Variants in CHKA observed in about 807,000 individuals in gnomAD.
CHKA encodes the protein choline kinase alpha, also known as CHETK-alpha.
In CHKA, 34 loss-of-function variants were observed where a neutral mutation model predicts 60.1. The ratio of observed to expected loss-of-function variants is 0.57; its 90% CI spans 0.43 to 0.75. The LOEUF (loss-of-function observed/expected upper bound fraction) is 0.75. Ranked by LOEUF, CHKA falls within the 30% of genes least tolerant of loss-of-function variation. CHKA has a pLI of 0.00. For synonymous variants in CHKA, 217 were observed against 223.1 expected (o/e 0.97, Z 0.24); for missense variants, 563 against 561.3 (o/e 1.00, Z -0.03).
chr11:68,066,555 T>C (rs973841143), intron 7 of CHKA, 39 bp from the exon 8 acceptor site: 5 of 1,495,156 alleles, frequency 3.3e-6, no homozygotes, highest in Admixed American at 1.7e-5. Flanking sequence ...TGTTTTACAA[T>C]AGAAGGCTCA....
At chr11:68,062,901 G>T (rs572699739) in intron 10 of CHKA, among the ~76,000 whole-genome samples, 2 of 152,252 alleles carry the variant, frequency 1.3e-5, no homozygotes, top group Admixed American at 6.5e-5. Context: ...ACGAGGAGAT[G>T]ACTGTGCTAA....
In CHKA at chr11:68,120,985, G is replaced by A. The variant is rs1242367520; in HGVS notation, c.193C>T (p.Leu65=). ...LALPPPPPLP[L]PLPLPQPPPP... ...GGGGGCTGGGGCAGCGGCAGCGGCA[G>A]CGGCAGCGGCGGCGGAGGGGGCAGC... is the stretch of plus-strand genomic sequence containing the variant. Residue 65 remains leucine (L), a synonymous_variant, in exon 1 of 12, where the codon CTG becomes TTG. Transcript: ENST00000265689. 1.3e-5 allele frequency: 15 copies of A among 1,119,248 alleles called. No individual in the cohort carries two copies. The Admixed American group carries it at 6.5e-4, about 48-fold the overall frequency. 69.3% of individuals were successfully genotyped at this position (1,119,248 alleles called of 1,614,324 possible). A position where few individuals can be genotyped will look rare whatever the true frequency, so the allele number is the denominator to read the frequency against.
intron 7 of CHKA, among the ~76,000 whole-genome samples, chr11:68,067,246 T>C (rs962339629): frequency 2.0e-5 from 3 of 152,182 alleles, no homozygotes; most frequent in African/African-American, 7.2e-5. Context: ...GGATTTCTAG[T>C]GGAGGTATAG....
chr11:68,110,309 A>G (rs776716810), intron 1 of CHKA, among the ~76,000 whole-genome samples: 24 of 152,240 alleles, frequency 1.6e-4, no homozygotes, highest in Admixed American at 9.8e-4. Flanking sequence ...TTAGGAAGAG[A>G]GAAATAAAAC....
chr11:68,092,404 T>G (rs1857380108), intron 2 of CHKA, among the ~76,000 whole-genome samples: 1 of 152,198 alleles, frequency 6.6e-6, no homozygotes, highest in Non-Finnish European at 1.5e-5. Flanking sequence ...GAGCTGGCTA[T>G]ACATTAGCAA....
At chr11:68,063,753 G>A (rs554336979) in intron 10 of CHKA, among the ~76,000 whole-genome samples, 3 of 152,318 alleles carry the variant, frequency 2.0e-5, no homozygotes, top group African/African-American at 7.2e-5. Flanking sequence ...ACAATAGTGA[G>A]GGAGTTCTCA....
intron 11 of CHKA, 95 bp from the exon 12 acceptor site, chr11:68,054,142 G>A (rs1443086454): frequency 1.9e-6 from 2 of 1,068,556 alleles, no homozygotes; most frequent in Non-Finnish European, 2.8e-6. Context: ...CAAGAGCTGA[G>A]GGCACGGACC....
At chr11:68,096,894 C>A in intron 2 of CHKA, 125 bp downstream of exon 2, 1 of 585,330 alleles carries the variant, frequency 1.7e-6, no homozygotes, top group Admixed American at 3.6e-5. Context: ...AAAGTAAAAG[C>A]AATATACTCA....
chr11:68,091,274 ATC>A (rs1857341206), intron 2 of CHKA, among the ~76,000 whole-genome samples: 1 of 152,186 alleles, frequency 6.6e-6, no homozygotes. Context: ...GGTTTTCATA[ATC>A]TATGTAGCTA....
chr11:68,064,611 G>GT lies in CHKA; in HGVS notation c.1145dup (p.Tyr382Ter). The change falls in exon 10 of 12, where the codon TAC (tyrosine) becomes TAAC (stop). Residue 382 changes from tyrosine to a stop codon, truncating the protein, a stop_gained and frameshift_variant. Coordinates refer to ENST00000265689, the MANE Select transcript of CHKA (RefSeq NM_001277.3). LOFTEE classifies it high-confidence loss of function. ...KKQQLHFISS[Y>*]LPAFQNDFEN... ...CAAAGTCATTTTGGAATGCAGGCAAGTAACTGGAAATAAAATGGAGCTTAA... is the reference window on the plus strand; with the variant it reads ...CAAAGTCATTTTGGAATGCAGGCAAGTTAACTGGAAATAAAATGGAGCTTAA... The GT allele has an allele frequency of 1.3e-6, 2 of 1,589,658 alleles. No homozygotes were observed. The highest frequency in any genetic ancestry group is 4.5e-5 in the East Asian group (2 of 44,382).
At chr11:68,057,859 T>C (rs756119818) in intron 11 of CHKA, among the ~76,000 whole-genome samples, 3 of 152,232 alleles carry the variant, frequency 2.0e-5, no homozygotes, top group Non-Finnish European at 4.4e-5. Flanking sequence ...CATGGATCAA[T>C]TTCTGGACAC....
At chr11:68,107,921 C>T (rs1857975756) in intron 1 of CHKA, among the ~76,000 whole-genome samples, 1 of 152,084 alleles carries the variant, frequency 6.6e-6, no homozygotes, top group Non-Finnish European at 1.5e-5. Context: ...AAATACATTA[C>T]GAAAGACACG....
chr11:68,066,676 G>A (rs1056907044), intron 7 of CHKA, among the ~76,000 whole-genome samples, 160 bp from the exon 8 acceptor site: 1 of 152,196 alleles, frequency 6.6e-6, no homozygotes. Flanking sequence ...GCGTAGAAGT[G>A]CTCACGGGAG....
At position 68,053,291 on chromosome 11, in the gene CHKA, T is replaced by G. The variant is rs1855868964; in HGVS notation, c.*697A>C. ...CACGCATGGCTGTCTGCACACTCCA[T>G]CAGGAGGAAGGGCAGGGGAGAAGTC... On this transcript the variant is annotated 3_prime_UTR_variant, in exon 12 of 12. Transcript: ENST00000265689. The G allele has an allele frequency of 6.6e-6, 1 of 152,214 alleles. No individual in the cohort carries two copies. Among genetic ancestry groups the G allele is most frequent in the African/African-American group, 2.4e-5 (1 of 41,416 alleles). 9.4% of individuals were successfully genotyped at this position (152,214 alleles called of 1,614,324 possible).
Position 68,070,249 on chromosome 11 carries a change from C to T in CHKA, c.809G>A (p.Arg270Lys). Residue 270 changes from arginine (R) to lysine (K), a missense_variant, in exon 6 of 12, where the codon AGA becomes AAA. Physicochemically the swap from Arg to Lys is conservative, Grantham distance 26. Transcript: ENST00000265689. Reference protein sequence around the residue: ...VLRIKFTEESRIKKLHKLLSY... With the variant: ...VLRIKFTEESKIKKLHKLLSY... ...GAGCAATTTGTGGAGCTTTTTAATT[C>T]TGGATTCCTCAGTAAATTTAATTCT... 6.2e-7 allele frequency: 1 copy of T among 1,614,098 alleles called. No homozygotes were observed. Among genetic ancestry groups the T allele is most frequent in the Non-Finnish European group, 8.5e-7 (1 of 1,179,964 alleles).
rs180792423 is a variant in CHKA at position 68,094,816 on chromosome 11, C to T, written c.462+2203G>A. The stretch of plus-strand genomic sequence containing the variant: ...TGTGGAATAGCTACGTACCTTCAAA[C>T]ATACTAACTTGTTCCCAGCATTTTT... On this transcript the variant is annotated intron_variant, in intron 2 of 11. Transcript: ENST00000265689. 1.1e-4 allele frequency among the ~76,000 whole-genome samples: 16 copies of T among 152,330 alleles called. No homozygotes were observed. The East Asian group carries it at 3.1e-3, about 29-fold the overall frequency.
rs371400435 is a variant in CHKA at position 68,074,786 on chromosome 11, G to A, written c.561C>T (p.Leu187=). The A allele has an allele frequency of 1.5e-5, 24 of 1,614,112 alleles. No homozygotes were observed. Among genetic ancestry groups the A allele is most frequent in the Admixed American group, 5.0e-5 (3 of 60,010 alleles). ...MVLESVMFAI[L]AERSLGPKLY... The stretch of plus-strand genomic sequence containing the variant: ...GTTTTGGCCCAAGTGACCTCTCTGC[G>A]AGAATGGCAAACATAACGCTCTCCA... The change falls in exon 4 of 12, where the codon CTC becomes CTT. Residue 187 remains leucine, a synonymous_variant. Coordinates refer to ENST00000265689, the MANE Select transcript of CHKA (RefSeq NM_001277.3).
At position 68,065,774 on chromosome 11, in the gene CHKA, C is replaced by T; in HGVS notation, c.1125+12G>A. On this transcript the variant is annotated intron_variant, in intron 9 of 11. Coordinates refer to ENST00000265689, the MANE Select transcript of CHKA (RefSeq NM_001277.3). ...AATTTTCCTATCAAGTATACAAAAA[C>T]TCATCTCCTACCTGTTGTTTCTTGG... 6.4e-7 allele frequency: 1 copy of T among 1,551,664 alleles called. No individual in the cohort carries two copies. Among genetic ancestry groups the T allele is most frequent in the Non-Finnish European group, 8.9e-7 (1 of 1,127,068 alleles).
intron 1 of CHKA, among the ~76,000 whole-genome samples, chr11:68,102,179 A>G (rs10896293): frequency 0.57 from 86,396 of 151,846 alleles, 24,715 homozygotes; most frequent in Middle Eastern, 0.7. Flanking sequence ...CAAAATACCA[A>G]TGACATTCTT....
Sources: allele counts gnomAD v4.1 joint callset (sites outside exome capture counted in the v4.1 genomes callset), GRCh38; gene constraint gnomAD v4.1.1; transcripts MANE v1.5; gene names NCBI Gene and HGNC (gene_info 2026-07-23, HGNC 2026-07-21).